The following KDM5B variants were observed in gnomAD, a reference collection of about 807,000 sequenced individuals.
The protein encoded by KDM5B is lysine-specific demethylase 5B.
KDM5B carries 144 observed loss-of-function variants against 193.4 expected under a neutral mutation model. The ratio of observed to expected loss-of-function variants is 0.74; its 90% CI spans 0.65 to 0.86. The LOEUF is 0.86. Ranked by LOEUF, KDM5B falls within the 40% of genes least tolerant of loss-of-function variation. KDM5B has a pLI of 0.00. For synonymous variants in KDM5B, 668 were observed against 682.6 expected (o/e 0.98, Z 0.33); for missense variants, 1,833 against 1,886.9 (o/e 0.97, Z 0.53).
At chr1:202,745,645 A>G (rs1655522474) in intron 16 of KDM5B, among the ~76,000 whole-genome samples, 1 of 152,228 alleles carries the variant, frequency 6.6e-6, no homozygotes, top group African/African-American at 2.4e-5. Context: ...CACAACTCAT[A>G]TAACAAAATT....
chr1:202,740,126 CGG>C (rs1655256398), intron 20 of KDM5B, among the ~76,000 whole-genome samples: 1 of 150,304 alleles, frequency 6.7e-6, no homozygotes. Flanking sequence ...ACCTCCCTCC[CGG>C]ACGGGGCGGC....
intron 1 of KDM5B, among the ~76,000 whole-genome samples, chr1:202,793,386 CAGT>C (rs1157819175): frequency 6.6e-6 from 1 of 152,164 alleles, no homozygotes; most frequent in African/African-American, 2.4e-5. Context: ...AAAGGCAATG[CAGT>C]AGTTCAGAGC....
rs965136327 is a variant in KDM5B at position 202,724,788 on chromosome 1, G to C, written c.*4248C>G. The C allele has an allele frequency of 8.5e-5, 13 of 152,210 alleles. No individual in the cohort carries two copies. The highest frequency in any genetic ancestry group is 3.1e-4 in the African/African-American group (13 of 41,454). The allele number at this position is 152,210 out of a possible 1,614,324, so 9.4% of individuals were successfully genotyped here. A position where few individuals can be genotyped will look rare whatever the true frequency, so the allele number is the denominator to read the frequency against. On this transcript the variant is annotated 3_prime_UTR_variant, in exon 27 of 27. Transcript: ENST00000367265. ...TTCACAGCAGAATCACAGTCAGTGAGAACGTATTGGCAAGGGCAGAAAGGA... is the reference window on the plus strand; with the variant it reads ...TTCACAGCAGAATCACAGTCAGTGACAACGTATTGGCAAGGGCAGAAAGGA...
rs1311509996 is a variant in KDM5B, at chr1:202,756,508, G to A, written c.1206C>T (p.Pro402=). 1 of 1,585,676 alleles carries A rather than the reference G, an allele frequency of 6.3e-7. No individual in the cohort carries two copies. ...DYFNMPVHMV[P]TELVEKEFWR... is the part of the protein sequence containing the mutation. The stretch of plus-strand genomic sequence containing the variant: ...AAAATTCTTTCTCAACAAGCTCTGT[G>A]GGGACCATCTGGAAATACAAGGAAT... Residue 402 remains proline, a synonymous_variant, in exon 10 of 27, where the codon CCC becomes CCT. Coordinates refer to ENST00000367265, the MANE Select transcript of KDM5B (RefSeq NM_006618.5).
intron 1 of KDM5B, among the ~76,000 whole-genome samples, chr1:202,778,403 T>C (rs1178783020): frequency 2.0e-5 from 3 of 152,062 alleles, no homozygotes; most frequent in African/African-American, 4.8e-5. Flanking sequence ...AATGTGTTAA[T>C]AGGTTTCAGT....
At chr1:202,748,457 T>A (rs1655651280) in intron 14 of KDM5B, among the ~76,000 whole-genome samples, 1 of 147,784 alleles carries the variant, frequency 6.8e-6, no homozygotes. Context: ...GGTAGGAAAA[T>A]CAAAGACAAG....
chr1:202,753,073 A>C lies in KDM5B; in HGVS notation c.1539-6T>G. Reference sequence around the variant, plus strand: ...ACCAGGTTTTTGGCTCACCCCTGGAAATAGATTATAAAAATAAATCAATCT... The same window carrying C: ...ACCAGGTTTTTGGCTCACCCCTGGACATAGATTATAAAAATAAATCAATCT... On this transcript the variant is annotated splice_polypyrimidine_tract_variant and splice_region_variant and intron_variant, in intron 11 of 26. Transcript: ENST00000367265. The C allele has an allele frequency of 6.2e-7, 1 of 1,605,394 alleles. No individual in the cohort carries two copies. Among genetic ancestry groups the C allele is most frequent in the Non-Finnish European group, 8.5e-7 (1 of 1,177,024 alleles).
chr1:202,778,953 T>A (rs1657078146), intron 1 of KDM5B, among the ~76,000 whole-genome samples: 1 of 152,066 alleles, frequency 6.6e-6, no homozygotes, highest in African/African-American at 2.4e-5. Context: ...GGGAAGATTT[T>A]CCCTATATAT....
At position 202,772,790 on chromosome 1, in the gene KDM5B, G is replaced by A. The variant is rs1656773785; in HGVS notation, c.576+328C>T. Among the ~76,000 whole-genome samples the A allele has an allele frequency of 6.6e-6, 1 of 151,740 alleles. No individual in the cohort carries two copies. Among genetic ancestry groups the A allele is most frequent in the Non-Finnish European group, 1.5e-5 (1 of 67,970 alleles). On this transcript the variant is annotated intron_variant, in intron 4 of 26. Coordinates refer to ENST00000367265, the MANE Select transcript of KDM5B (RefSeq NM_006618.5). ...CGGCTCACTGCAACCTCCACCTTCCGGGTTCAAGCGGTTCTCCTGCCTCAG... is the reference window on the plus strand; with the variant it reads ...CGGCTCACTGCAACCTCCACCTTCCAGGTTCAAGCGGTTCTCCTGCCTCAG...
chr1:202,754,450 C>T (rs527907487), intron 11 of KDM5B, among the ~76,000 whole-genome samples: 13 of 152,100 alleles, frequency 8.5e-5, no homozygotes, highest in African/African-American at 1.4e-4. Context: ...ACATCCCTCC[C>T]GCCTTGCCCC....
intron 2 of KDM5B, among the ~76,000 whole-genome samples, chr1:202,775,305 A>T (rs1469414223): frequency 2.6e-5 from 4 of 152,042 alleles, no homozygotes; most frequent in Admixed American, 1.3e-4. Context: ...TGGGAGGCCG[A>T]GACGGGTGAA....
At chr1:202,765,819 G>A (rs1656432559) in intron 5 of KDM5B, among the ~76,000 whole-genome samples, 1 of 152,046 alleles carries the variant, frequency 6.6e-6, no homozygotes, top group Non-Finnish European at 1.5e-5. Flanking sequence ...AATGCAATAT[G>A]AGGCTTCCCA....
chr1:202,781,913 T>C (rs1160962051), intron 1 of KDM5B, among the ~76,000 whole-genome samples: 1 of 152,226 alleles, frequency 6.6e-6, no homozygotes, highest in Non-Finnish European at 1.5e-5. Context: ...TACCTTCTAA[T>C]ACCAAAACAC....
At chr1:202,731,270 C>G (rs935170684) in intron 24 of KDM5B, among the ~76,000 whole-genome samples, 1 of 152,202 alleles carries the variant, frequency 6.6e-6, no homozygotes, top group Non-Finnish European at 1.5e-5. Flanking sequence ...TTTCCTAAGT[C>G]TTCTGATTAC....
rs1303898850 is a variant in KDM5B at position 202,774,652 on chromosome 1, A to C, written c.366T>G (p.His122Gln). The change falls in exon 3 of 27, where the codon CAT becomes CAG. Residue 122 changes from histidine (H) to glutamine (Q), a missense_variant. Physicochemically the swap from His to Gln is conservative, Grantham distance 24. Coordinates refer to ENST00000367265, the MANE Select transcript of KDM5B (RefSeq NM_006618.5). ...ATAAGTCCAAGATCTTCCTCTCCAC[A>C]TGTGGAATTTTCAGAGTACTTCCCT... Reference protein sequence around the residue: ...ELQGSTLKIPHVERKILDLFQ... With the variant: ...ELQGSTLKIPQVERKILDLFQ... The C allele has an allele frequency of 6.2e-7, 1 of 1,612,672 alleles. No homozygotes were observed. The highest frequency in any genetic ancestry group is 2.2e-5 in the East Asian group (1 of 44,866).
chr1:202,733,648 C>A lies in KDM5B; in HGVS notation c.3662G>T (p.Cys1221Phe). The A allele has an allele frequency of 6.2e-7, 1 of 1,614,146 alleles. No homozygotes were observed. Among genetic ancestry groups the A allele is most frequent in the Non-Finnish European group, 8.5e-7 (1 of 1,180,004 alleles). Residue 1221 changes from cysteine (C) to phenylalanine (F), a missense_variant, in exon 23 of 27, where the codon TGT becomes TTT. Physicochemically the swap from Cys to Phe is radical, Grantham distance 205. Coordinates refer to ENST00000367265, the MANE Select transcript of KDM5B (RefSeq NM_006618.5). ...QGLRIWLCPH[C>F]RRSEKPPLEK... ...TAATGGAGGTTTCTCTGACCTCCGA[C>A]AATGGGGACAAAGCCAGATTCGCAG...
chr1:202,782,072 A>T (rs1043509051), intron 1 of KDM5B, among the ~76,000 whole-genome samples: 1 of 152,218 alleles, frequency 6.6e-6, no homozygotes, highest in Non-Finnish European at 1.5e-5. Context: ...AATGGAAATT[A>T]GTACATATCT....
In KDM5B at chr1:202,740,756, G is replaced by A. The variant is rs773290281; in HGVS notation, c.3002C>T (p.Pro1001Leu). The change falls in exon 20 of 27, where the codon CCT becomes CTT. Residue 1001 changes from proline (P) to leucine (L), a missense_variant. Physicochemically the swap from Pro to Leu is moderately conservative, Grantham distance 98. Coordinates refer to ENST00000367265, the MANE Select transcript of KDM5B (RefSeq NM_006618.5). ...ATAVKEIEEI[P>L]AYLPNGAALK... ...AGCCGCACCATTGGGCAGATATGCA[G>A]GGATCTCTTCGATTTCCTTTACTGC... is the stretch of plus-strand genomic sequence containing the variant. 2.5e-6 allele frequency: 4 copies of A among 1,613,058 alleles called. No individual in the cohort carries two copies. Among genetic ancestry groups the A allele is most frequent in the Admixed American group, 3.3e-5 (2 of 60,028 alleles).
intron 1 of KDM5B, among the ~76,000 whole-genome samples, chr1:202,801,782 G>C (rs951281796): frequency 6.6e-6 from 1 of 152,104 alleles, no homozygotes; most frequent in African/African-American, 2.4e-5. Flanking sequence ...TATAAATCCA[G>C]TTATTAGTAT....
Sources: allele counts gnomAD v4.1 joint callset (sites outside exome capture counted in the v4.1 genomes callset), GRCh38; gene constraint gnomAD v4.1.1; transcripts MANE v1.5; gene names NCBI Gene and HGNC (gene_info 2026-07-23, HGNC 2026-07-21).